Variants in KDM4A observed in about 807,000 individuals in gnomAD.
The protein encoded by KDM4A is lysine-specific demethylase 4A.
A neutral mutation model predicts 127.1 loss-of-function variants in KDM4A; 23 were observed. That is an observed-to-expected ratio of 0.18 (90% CI 0.13 to 0.26). The LOEUF (loss-of-function observed/expected upper bound fraction) is 0.26, where lower values mean the gene tolerates loss of function less well. KDM4A is among the 10% of genes least tolerant of loss of function. The probability of loss-of-function intolerance (pLI) is 1.00; values close to 1 mark genes in which losing one functional copy is unlikely to be tolerated. For missense variants in KDM4A, 890 were observed against 1,329.1 expected (o/e 0.67, Z 5.14); for synonymous variants, 443 against 466.5 (o/e 0.95, Z 0.65).
In KDM4A at chr1:43,704,784, T is replaced by C. The variant is rs530169720; in HGVS notation, c.*414T>C. On this transcript the variant is annotated 3_prime_UTR_variant, in exon 22 of 22. Coordinates refer to ENST00000372396, the MANE Select transcript of KDM4A (RefSeq NM_014663.3). ...TTGTATTTATATGTGTGTGTGTGTG[T>C]GCGTGCGTGCGTGCGTGCGTGTATG... 80 of 172,382 alleles carry C rather than the reference T, an allele frequency of 4.6e-4. No homozygotes were observed. The highest frequency in any genetic ancestry group is 1.9e-3 in the African/African-American group (70 of 37,488). 10.7% of individuals were successfully genotyped at this position (172,382 alleles called of 1,614,324 possible).
At chr1:43,668,411 C>T (rs1198495788) in intron 9 of KDM4A, among the ~76,000 whole-genome samples, 1 of 152,186 alleles carries the variant, frequency 6.6e-6, no homozygotes, top group Non-Finnish European at 1.5e-5. Context: ...AGGTGTGAGC[C>T]ACCGCGCCCG....
At chr1:43,684,970 G>A (rs908251108) in intron 12 of KDM4A, among the ~76,000 whole-genome samples, 1 of 152,154 alleles carries the variant, frequency 6.6e-6, no homozygotes, top group African/African-American at 2.4e-5. Flanking sequence ...AGGATGAGTT[G>A]AGTGCCTCCC....
rs1661179360 is a variant in KDM4A at position 43,693,924 on chromosome 1, C to T, written c.2376-70C>T. 3 of 1,277,854 alleles carry T rather than the reference C, an allele frequency of 2.3e-6. No individual in the cohort carries two copies. The highest frequency in any genetic ancestry group is 2.5e-4 in the Middle Eastern group (1 of 4,038). 79.2% of individuals were successfully genotyped at this position (1,277,854 alleles called of 1,614,324 possible). A position where few individuals can be genotyped will look rare whatever the true frequency, so the allele number is the denominator to read the frequency against. On this transcript the variant is annotated intron_variant, in intron 16 of 21. Transcript: ENST00000372396. The surrounding 1 kb of genome is among the most constrained non-coding windows in gnomAD (Gnocchi z 4.2). Reference sequence around the variant, plus strand: ...CAGGTGAGGGAGGAAGCGCTGTCAGCAGGCCCAAAAGAGAAGGCCACAGAG... The same window carrying T: ...CAGGTGAGGGAGGAAGCGCTGTCAGTAGGCCCAAAAGAGAAGGCCACAGAG...
In KDM4A at chr1:43,667,086, G is replaced by C. The variant is rs201827788; in HGVS notation, c.910G>C (p.Val304Leu). The C allele has an allele frequency of 6.2e-6, 10 of 1,614,050 alleles. No individual in the cohort carries two copies. Among genetic ancestry groups the C allele is most frequent in the Non-Finnish European group, 8.5e-6 (10 of 1,180,048 alleles). The change falls in exon 8 of 22, where the codon GTG (valine) becomes CTG (leucine). Residue 304 changes from valine to leucine, a missense_variant. Around this residue, in one of 7 missense-constraint regions of KDM4A, gnomAD observed 141 missense variants for 273.5 expected, o/e 0.52. Coordinates refer to ENST00000372396, the MANE Select transcript of KDM4A (RefSeq NM_014663.3). ...RRWIEYGKQA[V>L]LCSCRKDMVK... ...GTGGATTGAGTACGGCAAGCAAGCT[G>C]TGCTGGTAAGTCTGCTTGATTTCTT...
At chr1:43,663,111 C>T in intron 5 of KDM4A, 24 bp downstream of exon 5, 1 of 1,598,892 alleles carries the variant, frequency 6.3e-7, no homozygotes, top group Non-Finnish European at 8.5e-7. Flanking sequence ...GCAGTCGGCA[C>T]CGGGCTTCTA....
chr1:43,667,896 C>T lies in KDM4A; in HGVS notation c.1040C>T (p.Thr347Met), dbSNP rs201914240. ...ACAGTTATTGACCATACTCTGCCCACGCCAGAAGCAGCTGAGTTTCTTAAG... is the reference window on the plus strand; with the variant it reads ...ACAGTTATTGACCATACTCTGCCCATGCCAGAAGCAGCTGAGTTTCTTAAG... The part of the protein sequence containing the change: ...DNTVIDHTLP[T>M]PEAAEFLKES... The change falls in exon 9 of 22, where the codon ACG becomes ATG. Residue 347 changes from threonine (T) to methionine (M), a missense_variant. Transcript: ENST00000372396. The T allele has an allele frequency of 6.3e-5, 101 of 1,614,026 alleles. No homozygotes were observed. The African/African-American group carries it at 9.2e-4, about 15-fold the overall frequency.
At chr1:43,656,216 A>T (rs543956419) in intron 3 of KDM4A, among the ~76,000 whole-genome samples, 4 of 152,224 alleles carry the variant, frequency 2.6e-5, no homozygotes, top group African/African-American at 7.2e-5. Context: ...AGTGTGAGTA[A>T]ACCACCAAGC....
At chr1:43,663,720 C>T (rs1303177057) in intron 5 of KDM4A, among the ~76,000 whole-genome samples, 2 of 151,988 alleles carry the variant, frequency 1.3e-5, no homozygotes, top group African/African-American at 2.4e-5. Context: ...ACCTCCTGGG[C>T]TCAAGTGATC....
At chr1:43,691,668 T>C in intron 15 of KDM4A, 96 bp downstream of exon 15, 2 of 1,049,332 alleles carry the variant, frequency 1.9e-6, no homozygotes, top group Middle Eastern at 2.0e-4. Context: ...CCCAGCAGTC[T>C]GCATAGGGTC....
intron 12 of KDM4A, among the ~76,000 whole-genome samples, chr1:43,687,398 G>A (rs774374380): frequency 5.9e-5 from 9 of 152,194 alleles, no homozygotes; most frequent in Non-Finnish European, 1.3e-4. Flanking sequence ...AAGCACCTCT[G>A]TTTGGGAAGA....
At chr1:43,689,670 A>C (rs1661064973) in intron 13 of KDM4A, among the ~76,000 whole-genome samples, 1 of 151,970 alleles carries the variant, frequency 6.6e-6, no homozygotes, top group Non-Finnish European at 1.5e-5. Flanking sequence ...CTTTGGGTCC[A>C]GCTCTAGGAT....
At chr1:43,692,659 T>C (rs559860341) in intron 16 of KDM4A, among the ~76,000 whole-genome samples, 18 of 152,328 alleles carry the variant, frequency 1.2e-4, no homozygotes, top group Admixed American at 4.6e-4. Flanking sequence ...GGGGCTGGTA[T>C]GCAGAGGCGG....
At position 43,655,828 on chromosome 1, in the gene KDM4A, G is replaced by C; in HGVS notation, c.314+62G>C. 2 of 1,394,124 alleles carry C rather than the reference G, an allele frequency of 1.4e-6. 1 individual carries two copies. The highest frequency in any genetic ancestry group is 2.0e-6 in the Non-Finnish European group (2 of 1,015,546). 86.4% of individuals were successfully genotyped at this position (1,394,124 alleles called of 1,614,324 possible). On this transcript the variant is annotated intron_variant, in intron 3 of 21. Coordinates refer to ENST00000372396, the MANE Select transcript of KDM4A (RefSeq NM_014663.3). Reference sequence around the variant, plus strand: ...AGGACCCTGGTGTCTCATCCTCCTAGCATCTCCAGGACTGCTGCTGTCCTG... The same window carrying C: ...AGGACCCTGGTGTCTCATCCTCCTACCATCTCCAGGACTGCTGCTGTCCTG...
rs140577325 is a variant in KDM4A, at chr1:43,653,205, C to T, written c.30C>T (p.Pro10=). MASESETLN[P]SARIMTFYPT... Reference sequence around the variant, plus strand: ...CTTCTGAGTCTGAAACTCTGAATCCCAGTGCTAGGATAATGACCTTTTATC... The same window carrying T: ...CTTCTGAGTCTGAAACTCTGAATCCTAGTGCTAGGATAATGACCTTTTATC... Residue 10 remains proline (P), a synonymous_variant, in exon 2 of 22, where the codon CCC becomes CCT. Transcript: ENST00000372396. 1,948 of 1,612,924 alleles carry T rather than the reference C, an allele frequency of 1.2e-3. 35 individuals are homozygous for T. The African/African-American group carries it at 0.024, about 20-fold the overall frequency.
Position 43,653,197 on chromosome 1 carries a change from C to A in KDM4A, c.22C>A (p.Leu8Met). 1 of 1,612,504 alleles carries A rather than the reference C, an allele frequency of 6.2e-7. No homozygotes were observed. Reference sequence around the variant, plus strand: ...GAAAATGGCTTCTGAGTCTGAAACTCTGAATCCCAGTGCTAGGATAATGAC... The same window carrying A: ...GAAAATGGCTTCTGAGTCTGAAACTATGAATCCCAGTGCTAGGATAATGAC... MASESET[L>M]NPSARIMTFY... Residue 8 changes from leucine (L) to methionine (M), a missense_variant, in exon 2 of 22, where the codon CTG (leucine) becomes ATG (methionine). Leu to Met is a conservative substitution (Grantham distance 15). This residue lies in a region of KDM4A where 9 missense variants were observed against 18.6 expected (regional missense o/e 0.48). Transcript: ENST00000372396.
intron 19 of KDM4A, among the ~76,000 whole-genome samples, chr1:43,700,759 G>A (rs926230155): frequency 1.4e-4 from 21 of 151,900 alleles, no homozygotes; most frequent in African/African-American, 5.1e-4. Flanking sequence ...GAATCTGAAA[G>A]GTCAGTGAAC....
intron 5 of KDM4A, among the ~76,000 whole-genome samples, chr1:43,664,466 G>A (rs1228228463): frequency 1.3e-5 from 2 of 152,176 alleles, no homozygotes; most frequent in African/African-American, 4.8e-5. Flanking sequence ...GCTGTAGTTT[G>A]GGTGCTGTGT....
chr1:43,701,619 C>T (rs909306107), intron 19 of KDM4A, among the ~76,000 whole-genome samples: 3 of 152,156 alleles, frequency 2.0e-5, no homozygotes, highest in Non-Finnish European at 2.9e-5. Flanking sequence ...TTCCGAGTAA[C>T]TGGGACTATA....
Position 43,669,302 on chromosome 1 carries a change from T to A in KDM4A, c.1363+3T>A, listed in dbSNP as rs1490890822. 2.5e-6 allele frequency: 4 copies of A among 1,613,906 alleles called. No homozygotes were observed. Among genetic ancestry groups the A allele is most frequent in the Non-Finnish European group, 3.4e-6 (4 of 1,179,896 alleles). On this transcript the variant is annotated splice_donor_region_variant and intron_variant, in intron 10 of 21. Coordinates refer to ENST00000372396, the MANE Select transcript of KDM4A (RefSeq NM_014663.3). ...TGAGGATGGTCTTACCTTCCCAGGT[T>A]AGTTGACTATGGTGTATTTTCCACA...
Sources: allele counts gnomAD v4.1 joint callset (sites outside exome capture counted in the v4.1 genomes callset), GRCh38; gene constraint gnomAD v4.1.1; regional missense constraint gnomAD v4.1.1; non-coding constraint Gnocchi (gnomAD v3.1); transcripts MANE v1.5; gene names NCBI Gene and HGNC (gene_info 2026-07-23, HGNC 2026-07-21).